Variants in NDUFAF6 observed in about 807,000 individuals in gnomAD.
NDUFAF6 encodes NADH dehydrogenase (ubiquinone) complex I, assembly factor 6.
In NDUFAF6, 45 loss-of-function variants were observed where a neutral mutation model predicts 40.8. That is an observed-to-expected ratio of 1.10 (90% CI 0.87 to 1.42). The LOEUF (loss-of-function observed/expected upper bound fraction) is 1.42. Among genes scored for constraint, NDUFAF6 ranks in the 40% most tolerant of loss-of-function variants. The probability of loss-of-function intolerance (pLI) is 0.00; values close to 1 mark genes in which losing one functional copy is unlikely to be tolerated. For synonymous variants in NDUFAF6, 185 were observed against 155.9 expected, an observed-to-expected ratio of 1.19 and a Z score of -1.39; for missense variants, 435 against 418.5, an observed-to-expected ratio of 1.04 and a Z score of -0.34.
upstream of NDUFAF6, among the ~76,000 whole-genome samples, chr8:95,021,171 C>T (rs553496095): frequency 3.9e-4 from 59 of 152,284 alleles, no homozygotes; most frequent in Non-Finnish European, 8.2e-4. Context: ...GTGTAATAAA[C>T]ATTGCCCATT....
chr8:95,054,659 G>A (rs1831901405), intron 8 of NDUFAF6, among the ~76,000 whole-genome samples: 1 of 151,686 alleles, frequency 6.6e-6, no homozygotes, highest in East Asian at 2.0e-4. Flanking sequence ...GGTCTCGAAT[G>A]CCTGACTTCA....
intron 3 of NDUFAF6, chr8:95,036,188 A>G (rs1193528177): frequency 5.3e-6 from 4 of 752,576 alleles, no homozygotes; most frequent in Admixed American, 3.8e-5. Context: ...AAGCAGCTGT[A>G]TGGATCCCTC....
chr8:94,970,936 CCT>C (rs1423655628), intron 1 of NDUFAF6, among the ~76,000 whole-genome samples: 1 of 152,202 alleles, frequency 6.6e-6, no homozygotes. Flanking sequence ...CCCACCATGG[CCT>C]CTCAAAGTGC....
chr8:94,953,225 T>C (rs1822773832), upstream of NDUFAF6, among the ~76,000 whole-genome samples: 1 of 151,958 alleles, frequency 6.6e-6, no homozygotes, highest in Non-Finnish European at 1.5e-5. Flanking sequence ...TGCATTCCTG[T>C]AATCCCAGCT....
intron 3 of NDUFAF6, among the ~76,000 whole-genome samples, chr8:95,038,179 T>C (rs1829724510): frequency 6.6e-6 from 1 of 152,214 alleles, no homozygotes; most frequent in Non-Finnish European, 1.5e-5. Context: ...GGCCCACTTA[T>C]TGTTAATATT....
intron 7 of NDUFAF6, among the ~76,000 whole-genome samples, 182 bp downstream of exon 7, chr8:95,048,740 C>A (rs747280393): frequency 2.0e-5 from 3 of 152,156 alleles, no homozygotes; most frequent in Non-Finnish European, 4.4e-5. Context: ...TCCCTCCCCC[C>A]ACCTCACAGC....
chr8:94,982,853 G>C (rs577431616), intron 2 of NDUFAF6, among the ~76,000 whole-genome samples: 44 of 152,358 alleles, frequency 2.9e-4, no homozygotes, highest in Middle Eastern at 3.4e-3. Flanking sequence ...TTGAGACTCT[G>C]TATCTCTCTT....
chr8:95,057,870 C>G lies in NDUFAF6; in HGVS notation c.935C>G (p.Ser312Cys), dbSNP rs1292525718. 1 of 1,605,870 alleles carries G rather than the reference C, an allele frequency of 6.2e-7. No individual in the cohort carries two copies. The highest frequency in any genetic ancestry group is 8.5e-7 in the Non-Finnish European group (1 of 1,173,076). Reference protein sequence around the residue: ...QRVDFDIFHPSLQQKNTLLPL... With the variant: ...QRVDFDIFHPCLQQKNTLLPL... ...GTGGATTTTGATATATTCCACCCAT[C>G]TTTACAGCAGAAGAATACATTACTT... is the stretch of plus-strand genomic sequence containing the variant. Residue 312 changes from serine to cysteine, a missense_variant, in exon 9 of 9, where the codon TCT becomes TGT. Physicochemically the swap from Ser to Cys is moderately radical, Grantham distance 112. Coordinates refer to ENST00000396124, the MANE Select transcript of NDUFAF6 (RefSeq NM_152416.4).
upstream of NDUFAF6, among the ~76,000 whole-genome samples, chr8:94,954,172 C>G (rs1822874064): frequency 6.6e-6 from 1 of 152,142 alleles, no homozygotes; most frequent in Admixed American, 6.5e-5. Flanking sequence ...AAGAGATTCT[C>G]CTGCCTCAGC....
intron 2 of NDUFAF6, chr8:94,950,254 C>T (rs910865806): frequency 3.9e-5 from 6 of 152,308 alleles, no homozygotes; most frequent in Non-Finnish European, 8.8e-5. Flanking sequence ...TGCCAACTCA[C>T]CAGGTTATTT....
At chr8:94,939,889 A>G in intron 1 of NDUFAF6, 2 of 1,613,822 alleles carry the variant, frequency 1.2e-6, no homozygotes, top group Non-Finnish European at 1.7e-6. Flanking sequence ...GTAATTCATC[A>G]GTCCCACGGG....
chr8:95,116,091 T>G (rs1810129048), intron 5 of NDUFAF6, among the ~76,000 whole-genome samples: 1 of 151,792 alleles, frequency 6.6e-6, no homozygotes, highest in African/African-American at 2.4e-5. Context: ...TGAGCCAAGA[T>G]CGCGCCACTG....
chr8:95,049,391 A>T (rs73276495), intron 7 of NDUFAF6, among the ~76,000 whole-genome samples: 4,636 of 152,140 alleles, frequency 0.03, 242 homozygotes, highest in African/African-American at 0.1. Flanking sequence ...TTGGAATTTG[A>T]CACTGTTGAC....
intron 2 of NDUFAF6, among the ~76,000 whole-genome samples, chr8:94,946,705 A>AAAAAAAAAAAAAAAAAAAAAC (rs1315728100): frequency 6.8e-6 from 1 of 146,826 alleles, no homozygotes; most frequent in Non-Finnish European, 1.5e-5. Context: ...TCAAAAAAAA[A>AAAAAAAAAAAAAAAAAAAAAC]AAAAAAAAAA....
chr8:95,048,568 CT>C lies in NDUFAF6; in HGVS notation c.816+18del, dbSNP rs780236169. 8.8e-6 allele frequency: 14 copies of C among 1,589,412 alleles called. No homozygotes were observed. Among genetic ancestry groups the C allele is most frequent in the African/African-American group, 1.3e-5 (1 of 74,378 alleles). ...CTTGCACCTAAAGCATGTAAGTCGGCTTTTTTTTGCCAAATCATTTAGGGAA... is the reference window on the plus strand; with the variant it reads ...CTTGCACCTAAAGCATGTAAGTCGGCTTTTTTTGCCAAATCATTTAGGGAA... On this transcript the variant is annotated intron_variant, in intron 7 of 8. Coordinates refer to ENST00000396124, the MANE Select transcript of NDUFAF6 (RefSeq NM_152416.4).
At chr8:95,020,984 G>T (rs995574262), upstream of NDUFAF6, among the ~76,000 whole-genome samples, 1 of 152,182 alleles carries the variant, frequency 6.6e-6, no homozygotes, top group Non-Finnish European at 1.5e-5. Flanking sequence ...CTTTTGTGGT[G>T]ACAAGGACAA....
chr8:95,014,625 A>G (rs1192880714), intron 2 of NDUFAF6, among the ~76,000 whole-genome samples: 2 of 152,224 alleles, frequency 1.3e-5, no homozygotes, highest in Admixed American at 6.5e-5. Context: ...TTGTTTATGC[A>G]TCTGTGTTAG....
chr8:94,996,246 G>A (rs1036792431), intron 2 of NDUFAF6, among the ~76,000 whole-genome samples: 2 of 152,158 alleles, frequency 1.3e-5, no homozygotes, highest in Non-Finnish European at 2.9e-5. Flanking sequence ...TGAAACAAAT[G>A]CCACTCTCTT....
rs1443933236 is a variant in NDUFAF6, at chr8:94,949,358, T to C, written c.-799+3739T>C. Reference sequence around the variant, plus strand: ...AGGCCGGCCAGTCCAAGTCCTTTTGTTGTTGTGCAGCGCTCGCAACAGCTG... The same window carrying C: ...AGGCCGGCCAGTCCAAGTCCTTTTGCTGTTGTGCAGCGCTCGCAACAGCTG... On this transcript the variant is annotated intron_variant, in intron 2 of 14. Coordinates refer to the NDUFAF6 transcript ENST00000396113. 2.0e-5 allele frequency: 3 copies of C among 150,470 alleles called. No homozygotes were observed. In the East Asian group the frequency reaches 5.9e-4, roughly 30 times the overall value. The allele number at this position is 150,470 out of a possible 1,614,324, so 9.3% of individuals were successfully genotyped here.
Sources: allele counts gnomAD v4.1 joint callset (sites outside exome capture counted in the v4.1 genomes callset), GRCh38; gene constraint gnomAD v4.1.1; transcripts MANE v1.5; gene names NCBI Gene and HGNC (gene_info 2026-07-23, HGNC 2026-07-21).